Variants in KDM4A observed in about 807,000 individuals in gnomAD.
KDM4A encodes the protein lysine-specific demethylase 4A.
In KDM4A, 23 loss-of-function variants were observed where a neutral mutation model predicts 127.1. The ratio of observed to expected loss-of-function variants is 0.18; its 90% CI spans 0.13 to 0.26. The LOEUF (loss-of-function observed/expected upper bound fraction) is 0.26. KDM4A is among the 10% of genes least tolerant of loss of function. The pLI is 1.00. For synonymous variants in KDM4A, 443 were observed against 466.5 expected (o/e 0.95, Z 0.65); for missense variants, 890 against 1,329.1 (o/e 0.67, Z 5.14).
intron 11 of KDM4A, among the ~76,000 whole-genome samples, chr1:43,677,181 C>T (rs1338572235): frequency 6.6e-6 from 1 of 151,940 alleles, no homozygotes; most frequent in Non-Finnish European, 1.5e-5. Context: ...CTTGTCTTTA[C>T]TAAAAATACA....
Position 43,672,619 on chromosome 1 carries a change from C to T in KDM4A, c.1734+744C>T, listed in dbSNP as rs541218989. ...ACACCATTCTCCTGCCTCAGCCTCCCGAGTAGCTGGGACTACAGGCGCCCA... is the reference window on the plus strand; with the variant it reads ...ACACCATTCTCCTGCCTCAGCCTCCTGAGTAGCTGGGACTACAGGCGCCCA... On this transcript the variant is annotated intron_variant, in intron 11 of 21. Transcript: ENST00000372396. Among the ~76,000 whole-genome samples the T allele has an allele frequency of 7.2e-5, 11 of 152,174 alleles. No individual in the cohort carries two copies. The South Asian group carries it at 2.3e-3, about 32-fold the overall frequency.
At position 43,656,329 on chromosome 1, in the gene KDM4A, GTTTTTTTTTTTT is replaced by G. The variant is rs11438925; in HGVS notation, c.314+578_314+589del. On this transcript the variant is annotated intron_variant, in intron 3 of 21. Transcript: ENST00000372396. ...TGTTTTCAGTTCTTCTCTGCTGTTG[GTTTTTTTTTTTT>G]TTTTTTTTTTTTTTGAGATGGTGTC... 2.2e-4 allele frequency among the ~76,000 whole-genome samples: 12 copies of G among 54,178 alleles called. No individual in the cohort carries two copies. The East Asian group carries it at 4.2e-3, about 19-fold the overall frequency. 35.5% of individuals were successfully genotyped at this position (54,178 alleles called of 152,430 possible).
At chr1:43,685,209 AG>A (rs1239825337) in intron 12 of KDM4A, among the ~76,000 whole-genome samples, 1 of 152,172 alleles carries the variant, frequency 6.6e-6, no homozygotes, top group Non-Finnish European at 1.5e-5. Flanking sequence ...AAGGAAAACC[AG>A]GAAATGTGGC....
intron 1 of KDM4A, among the ~76,000 whole-genome samples, chr1:43,652,469 T>C (rs1243677686): frequency 6.6e-6 from 1 of 152,146 alleles, no homozygotes; most frequent in African/African-American, 2.4e-5. Flanking sequence ...ACAGAACCTT[T>C]TCGATCTGTA....
chr1:43,669,865 C>T (rs982002319), intron 10 of KDM4A, among the ~76,000 whole-genome samples: 7 of 152,054 alleles, frequency 4.6e-5, no homozygotes, highest in South Asian at 2.1e-4. Context: ...GTTGGCCAGG[C>T]TGATCTTGAA....
intron 12 of KDM4A, among the ~76,000 whole-genome samples, chr1:43,686,584 G>A (rs565396198): frequency 4.4e-4 from 64 of 147,022 alleles, no homozygotes; most frequent in Middle Eastern, 8.1e-3. Context: ...TGATCTGCCC[G>A]CTTCAGCCTC....
rs1660566819 is a variant in KDM4A, at chr1:43,669,273, A to C, written c.1337A>C (p.Gln446Pro). The part of the protein sequence containing the change: ...PVRPTHSSVR[Q>P]VEDGLTFPDY... ...AGGCCCACCCATAGCTCTGTGCGGC[A>C]AGTTGAGGATGGTCTTACCTTCCCA... Residue 446 changes from glutamine to proline, a missense_variant, in exon 10 of 22, where the codon CAA becomes CCA. Around this residue, in one of 7 missense-constraint regions of KDM4A, gnomAD observed 389 missense variants for 485.9 expected, o/e 0.80. Transcript: ENST00000372396. 6.2e-7 allele frequency: 1 copy of C among 1,614,048 alleles called. No homozygotes were observed. Among genetic ancestry groups the C allele is most frequent in the Non-Finnish European group, 8.5e-7 (1 of 1,180,030 alleles).
intron 5 of KDM4A, among the ~76,000 whole-genome samples, chr1:43,663,514 T>C (rs1190200657): frequency 6.6e-6 from 1 of 152,208 alleles, no homozygotes; most frequent in African/African-American, 2.4e-5. Context: ...CATAAGGGAT[T>C]GCGAGGCTAT....
At position 43,704,338 on chromosome 1, in the gene KDM4A, G is replaced by T; in HGVS notation, c.3163G>T (p.Glu1055Ter). Reference sequence around the variant, plus strand: ...CTCAAGATACCGGGAAGATTATATTGAGCCTGCACTATACCGGGCCATCAT... The same window carrying T: ...CTCAAGATACCGGGAAGATTATATTTAGCCTGCACTATACCGGGCCATCAT... ...INSRYREDYI[E>*]PALYRAIME is the part of the protein sequence containing the mutation. The change falls in exon 22 of 22, where the codon GAG becomes TAG. Residue 1055 changes from glutamate (E) to a stop codon, truncating the protein, a stop_gained. Coordinates refer to ENST00000372396, the MANE Select transcript of KDM4A (RefSeq NM_014663.3). LOFTEE classifies it high-confidence loss of function. 1 of 1,613,928 alleles carries T rather than the reference G, an allele frequency of 6.2e-7. No homozygotes were observed. Among genetic ancestry groups the T allele is most frequent in the Non-Finnish European group, 8.5e-7 (1 of 1,180,044 alleles).
intron 8 of KDM4A, 49 bp downstream of exon 8, chr1:43,667,140 A>G (rs778321265): frequency 6.2e-7 from 1 of 1,606,932 alleles, no homozygotes; most frequent in Non-Finnish European, 8.5e-7. Context: ...AAATGAGCAA[A>G]TTCTGGTTAG....
intron 7 of KDM4A, among the ~76,000 whole-genome samples, 176 bp from the exon 8 acceptor site, chr1:43,666,774 GTTAA>G (rs1660509834): frequency 6.6e-6 from 1 of 152,206 alleles, no homozygotes; most frequent in Non-Finnish European, 1.5e-5. Flanking sequence ...TGGAGGAATG[GTTAA>G]TTATAGTCAT....
chr1:43,681,774 T>C (rs937068991), intron 11 of KDM4A, among the ~76,000 whole-genome samples: 2 of 152,332 alleles, frequency 1.3e-5, no homozygotes, highest in East Asian at 1.9e-4. Flanking sequence ...AAATGAACTT[T>C]GTTTTTATCT....
intron 4 of KDM4A, among the ~76,000 whole-genome samples, chr1:43,662,571 C>T (rs1272747516): frequency 1.3e-5 from 2 of 152,222 alleles, no homozygotes; most frequent in Non-Finnish European, 2.9e-5. Flanking sequence ...CATGCCACTG[C>T]ACTCCAGCCT....
chr1:43,666,259 C>A, intron 6 of KDM4A, 193 bp from the exon 7 acceptor site: 1 of 552,502 alleles, frequency 1.8e-6, no homozygotes, highest in Non-Finnish European at 3.2e-6. Flanking sequence ...CCACGTAATG[C>A]CCTACATGGG....
At chr1:43,679,436 T>C (rs966133477) in intron 11 of KDM4A, among the ~76,000 whole-genome samples, 1 of 152,132 alleles carries the variant, frequency 6.6e-6, no homozygotes, top group African/African-American at 2.4e-5. Flanking sequence ...CTGAGCAACT[T>C]TGTCCATCCC....
intron 18 of KDM4A, among the ~76,000 whole-genome samples, chr1:43,696,645 TG>T (rs1661246648): frequency 2.0e-5 from 3 of 152,328 alleles, no homozygotes; most frequent in East Asian, 3.9e-4. Context: ...ATTCTGAACT[TG>T]CCCTTAATGC....
intron 9 of KDM4A, 145 bp downstream of exon 9, chr1:43,668,164 C>T (rs142684389): frequency 0.013 from 15,226 of 1,145,232 alleles, 127 homozygotes; most frequent in African/African-American, 0.026. Flanking sequence ...CTCGCTCTGT[C>T]GCCCAGGCTG....
rs1570870644 is a variant in KDM4A at position 43,693,772 on chromosome 1, A to AGGGCAGT, written c.2376-212_2376-206dup. Among the ~76,000 whole-genome samples, 1 of 152,224 alleles carries AGGGCAGT rather than the reference A, an allele frequency of 6.6e-6. No homozygotes were observed. Among genetic ancestry groups the AGGGCAGT allele is most frequent in the East Asian group, 1.9e-4 (1 of 5,198 alleles). Reference sequence around the variant, plus strand: ...AAGAAGCATGATCCGGTGCTAACCTAGGGCAGTGGGCAGTGGCCTAGGTGG... The same window carrying AGGGCAGT: ...AAGAAGCATGATCCGGTGCTAACCTAGGGCAGTGGGCAGTGGGCAGTGGCCTAGGTGG... On this transcript the variant is annotated intron_variant, in intron 16 of 21. Transcript: ENST00000372396. This position sits in a 1 kb window ranked among gnomAD's most constrained non-coding sequence, Gnocchi z 4.2.
chr1:43,669,393 G>GC, intron 10 of KDM4A, 94 bp downstream of exon 10: 1 of 1,282,450 alleles, frequency 7.8e-7, no homozygotes, highest in Non-Finnish European at 1.1e-6. Context: ...AATAAAAAAG[G>GC]CAGAGTGACA....
Sources: allele counts gnomAD v4.1 joint callset (sites outside exome capture counted in the v4.1 genomes callset), GRCh38; gene constraint gnomAD v4.1.1; regional missense constraint gnomAD v4.1.1; non-coding constraint Gnocchi (gnomAD v3.1); transcripts MANE v1.5; gene names NCBI Gene and HGNC (gene_info 2026-07-23, HGNC 2026-07-21).